GALNT13: variants seen among roughly 807,000 people sequenced by gnomAD.
GALNT13 encodes polypeptide N-acetylgalactosaminyltransferase 13.
A neutral mutation model predicts 64.2 loss-of-function variants in GALNT13; 28 were observed. The observed-to-expected ratio is 0.44, with a 90% CI of 0.32 to 0.60. GALNT13 has a LOEUF of 0.60. Ranked by LOEUF, GALNT13 falls within the 20% of genes least tolerant of loss-of-function variation. The pLI is 0.05. For missense variants in GALNT13, 577 were observed against 669.8 expected (o/e 0.86, Z 1.53); for synonymous variants, 214 against 224.6 (o/e 0.95, Z 0.42).
the GALNT13 span, among the ~76,000 whole-genome samples, chr2:153,565,611 T>C: frequency 6.6e-6 from 1 of 152,220 alleles, no homozygotes; most frequent in Non-Finnish European, 1.5e-5. Flanking sequence ...AAACCATTTT[T>C]TTCTCGTAAG....
At chr2:154,286,297 A>T (rs1692262134) in intron 8 of GALNT13, among the ~76,000 whole-genome samples, 1 of 152,158 alleles carries the variant, frequency 6.6e-6, no homozygotes, top group Non-Finnish European at 1.5e-5. Context: ...GTTGAGTCTG[A>T]TATTAGCTGT....
At chr2:154,351,572 A>G (rs977368900) in intron 9 of GALNT13, among the ~76,000 whole-genome samples, 1 of 151,564 alleles carries the variant, frequency 6.6e-6, no homozygotes, top group Non-Finnish European at 1.5e-5. Context: ...AGTCCCAGCT[A>G]CTCTGGAGGC....
the GALNT13 span, among the ~76,000 whole-genome samples, chr2:153,285,705 G>A: frequency 0.44 from 66,437 of 151,788 alleles, 16,434 homozygotes; most frequent in African/African-American, 0.69. Flanking sequence ...AAACAATAGA[G>A]GCAATGCTAT....
chr2:153,351,031 G>C, the GALNT13 span, among the ~76,000 whole-genome samples: 1 of 152,040 alleles, frequency 6.6e-6, no homozygotes, highest in South Asian at 2.1e-4. Context: ...GTTTTAAGGA[G>C]GATAGACTTT....
intron 4 of GALNT13, among the ~76,000 whole-genome samples, chr2:154,232,046 AAGAGAG>A (rs745758874): frequency 4.7e-5 from 7 of 149,218 alleles, no homozygotes; most frequent in Non-Finnish European, 6.0e-5. Context: ...GTTAAAACAA[AAGAGAG>A]AGAGAGAGAG....
the GALNT13 span, among the ~76,000 whole-genome samples, chr2:153,343,744 A>G: frequency 6.6e-6 from 1 of 152,060 alleles, no homozygotes; most frequent in South Asian, 2.1e-4. Context: ...TATTTTCCCC[A>G]CTTACTTAAC....
chr2:153,534,055 A>G, the GALNT13 span, among the ~76,000 whole-genome samples: 1 of 151,788 alleles, frequency 6.6e-6, no homozygotes, highest in African/African-American at 2.4e-5. Flanking sequence ...TTCCATCTCT[A>G]TTCTTATATT....
chr2:154,230,891 T>TC (rs1416450515), intron 4 of GALNT13, among the ~76,000 whole-genome samples: 1 of 152,140 alleles, frequency 6.6e-6, no homozygotes, highest in Non-Finnish European at 1.5e-5. Flanking sequence ...TTGGCTTTTT[T>TC]CTCACATTAA....
intron 3 of GALNT13, among the ~76,000 whole-genome samples, chr2:153,958,215 A>T (rs1306795473): frequency 2.0e-5 from 3 of 151,686 alleles, no homozygotes; most frequent in Non-Finnish European, 4.4e-5. Context: ...AACTGGTGGG[A>T]CCCCTCCCCA....
the GALNT13 span, among the ~76,000 whole-genome samples, chr2:153,568,086 C>T: frequency 2.6e-5 from 4 of 152,096 alleles, no homozygotes; most frequent in African/African-American, 9.7e-5. Flanking sequence ...AAGAAATTCT[C>T]GAATAATAGA....
intron 4 of GALNT13, among the ~76,000 whole-genome samples, chr2:154,224,796 A>G (rs75763710): frequency 6.6e-6 from 1 of 152,078 alleles, no homozygotes; most frequent in Non-Finnish European, 1.5e-5. Context: ...TTTTGAAAAA[A>G]TTATCTAAAT....
intron 11 of GALNT13, among the ~76,000 whole-genome samples, chr2:154,422,717 C>G (rs1047091912): frequency 6.6e-6 from 1 of 151,988 alleles, no homozygotes; most frequent in South Asian, 2.1e-4. Flanking sequence ...ATTTTAAGAC[C>G]GTAACACCAA....
intron 9 of GALNT13, among the ~76,000 whole-genome samples, chr2:154,345,978 A>G (rs909417006): frequency 2.6e-5 from 4 of 152,076 alleles, no homozygotes; most frequent in Admixed American, 2.6e-4. Flanking sequence ...ATTTTAGCCT[A>G]TAGTAACATT....
intron 3 of GALNT13, among the ~76,000 whole-genome samples, chr2:154,084,071 A>G (rs766078959): frequency 5.3e-5 from 8 of 151,830 alleles, no homozygotes; most frequent in Non-Finnish European, 8.8e-5. Context: ...GTACTTCTCA[A>G]TTTTTACTGG....
At chr2:153,498,284 ACTT>A in the GALNT13 span, among the ~76,000 whole-genome samples, 1 of 152,244 alleles carries the variant, frequency 6.6e-6, no homozygotes, top group Non-Finnish European at 1.5e-5. Context: ...TTGGGGTGTC[ACTT>A]CGCCAGCTGG....
chr2:153,708,972 C>CA, the GALNT13 span, among the ~76,000 whole-genome samples: 1 of 151,870 alleles, frequency 6.6e-6, no homozygotes, highest in Non-Finnish European at 1.5e-5. Context: ...ACACAATATG[C>CA]AAAAAATCAA....
At chr2:154,043,414 TTATATATATATATATATATATATATATA>T (rs1179722579) in intron 3 of GALNT13, among the ~76,000 whole-genome samples, 3 of 78,260 alleles carry the variant, frequency 3.8e-5, no homozygotes, top group Non-Finnish European at 7.0e-5. Context: ...ATAAGGACTT[TTATATATATATATATATATATATATATA>T]TATATATATA....
chr2:153,133,193 C>T, the GALNT13 span, among the ~76,000 whole-genome samples: 5 of 152,074 alleles, frequency 3.3e-5, no homozygotes, highest in East Asian at 1.9e-4. Flanking sequence ...AGTCACACAA[C>T]GAATACTTCA....
At chr2:153,389,394 C>T in the GALNT13 span, among the ~76,000 whole-genome samples, 4 of 151,946 alleles carry the variant, frequency 2.6e-5, no homozygotes, top group Non-Finnish European at 4.4e-5. Context: ...AGCTGGGGAA[C>T]GGAAAGCTTG....
Sources: allele counts gnomAD v4.1 joint callset (sites outside exome capture counted in the v4.1 genomes callset), GRCh38; gene constraint gnomAD v4.1.1; transcripts MANE v1.5; gene names NCBI Gene and HGNC (gene_info 2026-07-23, HGNC 2026-07-21).